Variants in SPAG16 observed in about 807,000 individuals in gnomAD.
The protein encoded by SPAG16 is sperm associated antigen 16, also known as sperm-associated antigen 16 protein.
Under a neutral mutation model 80.4 loss-of-function variants are expected in SPAG16, and 86 were observed. The observed-to-expected ratio is 1.07, with a 90% confidence interval of 0.90 to 1.28. The LOEUF is 1.28. SPAG16 is among the 50% of genes most tolerant of loss of function. The pLI is 0.00. For missense variants in SPAG16, 870 were observed against 765.3 expected (o/e 1.14, Z -1.61); for synonymous variants, 294 against 265.9 (o/e 1.11, Z -1.03).
chr2:213,454,148 C>T (rs1453769292), intron 9 of SPAG16, among the ~76,000 whole-genome samples: 1 of 152,146 alleles, frequency 6.6e-6, no homozygotes, highest in Non-Finnish European at 1.5e-5. Context: ...AAATTGAGAT[C>T]ATGGCCACAT....
chr2:214,346,866 C>A (rs141509510), intron 15 of SPAG16, among the ~76,000 whole-genome samples: 1 of 152,108 alleles, frequency 6.6e-6, no homozygotes, highest in Non-Finnish European at 1.5e-5. Context: ...TGATCTCTGT[C>A]GACATCATTA....
chr2:214,302,605 T>G (rs1559195920), intron 15 of SPAG16, among the ~76,000 whole-genome samples: 1 of 152,158 alleles, frequency 6.6e-6, no homozygotes, highest in East Asian at 1.9e-4. Flanking sequence ...CTCAGCCTCC[T>G]GAGTAGCTGG....
intron 10 of SPAG16, among the ~76,000 whole-genome samples, chr2:213,733,963 C>T (rs564378782): frequency 1.1e-4 from 17 of 152,150 alleles, no homozygotes; most frequent in African/African-American, 1.4e-4. Flanking sequence ...AAATGAGTTT[C>T]TAGAGAAAGA....
chr2:213,934,468 G>A (rs1440670442), intron 12 of SPAG16, among the ~76,000 whole-genome samples: 2 of 152,154 alleles, frequency 1.3e-5, no homozygotes, highest in Non-Finnish European at 2.9e-5. Context: ...GAGATCTGGG[G>A]ATGTTTCTTT....
intron 10 of SPAG16, among the ~76,000 whole-genome samples, chr2:213,657,490 T>A (rs2063263188): frequency 6.6e-6 from 1 of 152,206 alleles, no homozygotes; most frequent in African/African-American, 2.4e-5. Flanking sequence ...AAAATAAGGC[T>A]GTGGTAAATC....
chr2:213,393,915 A>T (rs984655014), intron 9 of SPAG16, among the ~76,000 whole-genome samples: 1 of 152,016 alleles, frequency 6.6e-6, no homozygotes. Context: ...ATCTTTTGCA[A>T]TTTTTTTCCA....
chr2:213,725,640 G>A (rs1234662774), intron 10 of SPAG16, among the ~76,000 whole-genome samples: 2 of 152,216 alleles, frequency 1.3e-5, no homozygotes, highest in East Asian at 1.9e-4. Context: ...AAGAGGGTGC[G>A]GCGTGTCTTA....
At chr2:213,416,544 T>TTG (rs1426663551) in intron 9 of SPAG16, among the ~76,000 whole-genome samples, 1 of 137,118 alleles carries the variant, frequency 7.3e-6, no homozygotes. Flanking sequence ...ATTACTTGAC[T>TTG]TGTTTTTTCT....
At chr2:213,340,060 C>CT (rs2064595524) in intron 5 of SPAG16, 103 bp from the exon 6 acceptor site, 2 of 690,426 alleles carry the variant, frequency 2.9e-6, no homozygotes, top group Non-Finnish European at 4.9e-6. Context: ...ATTTGTTTTC[C>CT]TATTATCTTT....
At chr2:214,085,724 G>T (rs369244690) in intron 13 of SPAG16, among the ~76,000 whole-genome samples, 4 of 152,216 alleles carry the variant, frequency 2.6e-5, no homozygotes, top group African/African-American at 9.6e-5. Flanking sequence ...CATTCACATA[G>T]TCATAAGCTG....
At chr2:214,197,527 T>C (rs2057878704) in intron 15 of SPAG16, among the ~76,000 whole-genome samples, 1 of 151,986 alleles carries the variant, frequency 6.6e-6, no homozygotes, top group South Asian at 2.1e-4. Context: ...GAATGGACTA[T>C]AAATAAATCT....
At chr2:213,977,735 T>C (rs1172392785) in intron 12 of SPAG16, among the ~76,000 whole-genome samples, 1 of 152,102 alleles carries the variant, frequency 6.6e-6, no homozygotes, top group Non-Finnish European at 1.5e-5. Context: ...TGCCTTCTTA[T>C]TTATAGATTT....
intron 10 of SPAG16, among the ~76,000 whole-genome samples, chr2:213,827,510 AT>A (rs1405752810): frequency 6.6e-6 from 1 of 152,060 alleles, no homozygotes; most frequent in Admixed American, 6.6e-5. Flanking sequence ...ATTATTTTTG[AT>A]TAGTTCATTT....
At chr2:213,956,536 C>T (rs2044151617) in intron 12 of SPAG16, among the ~76,000 whole-genome samples, 1 of 151,102 alleles carries the variant, frequency 6.6e-6, no homozygotes, top group South Asian at 2.1e-4. Context: ...CAACCGCCGC[C>T]TCCCAGATTC....
intron 15 of SPAG16, among the ~76,000 whole-genome samples, chr2:214,207,919 C>G (rs996717938): frequency 1.3e-5 from 2 of 152,212 alleles, no homozygotes. Context: ...CTTGGACTTA[C>G]ACTAGTGGTT....
chr2:214,147,104 A>G (rs1178569027), intron 14 of SPAG16, among the ~76,000 whole-genome samples: 1 of 152,120 alleles, frequency 6.6e-6, no homozygotes, highest in African/African-American at 2.4e-5. Context: ...AAAGGATGTT[A>G]GTTATTCAAA....
intron 15 of SPAG16, among the ~76,000 whole-genome samples, chr2:214,321,786 A>T (rs1696116321): frequency 6.6e-6 from 1 of 152,218 alleles, no homozygotes; most frequent in African/African-American, 2.4e-5. Flanking sequence ...TGTATTTTGT[A>T]AATAATAAAA....
intron 15 of SPAG16, among the ~76,000 whole-genome samples, chr2:214,299,312 G>A (rs189620112): frequency 3.1e-4 from 42 of 135,604 alleles, no homozygotes; most frequent in Middle Eastern, 3.9e-3. Context: ...GTGCAGTGGC[G>A]CAATCTTGGC....
intron 8 of SPAG16, 55 bp from the exon 9 acceptor site, chr2:213,374,955 C>T (rs1456543374): frequency 2.3e-6 from 3 of 1,311,126 alleles, no homozygotes; most frequent in African/African-American, 3.1e-5. Context: ...TGGTTGCAAT[C>T]ATTTTATACC....
Sources: gnomAD v4.1 joint callset for allele counts (sites outside exome capture counted in the v4.1 genomes callset) on GRCh38, gnomAD v4.1.1 for gene constraint, MANE v1.5 for transcripts, NCBI Gene and HGNC (gene_info 2026-07-23, HGNC 2026-07-21) for gene names.